The following IPO11 variants were observed in gnomAD, a reference collection of about 807,000 sequenced individuals.
The protein encoded by IPO11 is importin 11.
In IPO11, 66 loss-of-function variants were observed where a neutral mutation model predicts 143.2. The observed-to-expected ratio is 0.46, with a 90% CI of 0.38 to 0.57. The LOEUF is 0.57. Among genes scored for constraint, IPO11 ranks in the 20% least tolerant of loss-of-function variants. The pLI, the probability that IPO11 is intolerant of heterozygous loss-of-function variation, is 0.00. For missense variants in IPO11, 1,026 were observed against 1,141.0 expected (o/e 0.90, Z 1.45); for synonymous variants, 385 against 377.8 (o/e 1.02, Z -0.22).
At chr5:62,538,976 A>G (rs1196962666) in intron 24 of IPO11, among the ~76,000 whole-genome samples, 1 of 152,190 alleles carries the variant, frequency 6.6e-6, no homozygotes, top group Admixed American at 6.5e-5. Flanking sequence ...TTTTAAAACT[A>G]ACATTTAAAA....
chr5:62,415,060 T>C (rs1743238079), intron 1 of IPO11, among the ~76,000 whole-genome samples: 1 of 152,208 alleles, frequency 6.6e-6, no homozygotes, highest in African/African-American at 2.4e-5. Context: ...AATTAGGTGT[T>C]CATTCAATAA....
At chr5:62,476,500 A>T (rs918950317) in intron 8 of IPO11, among the ~76,000 whole-genome samples, 183 bp from the exon 9 acceptor site, 1 of 152,180 alleles carries the variant, frequency 6.6e-6, no homozygotes, top group Non-Finnish European at 1.5e-5. Flanking sequence ...ATTTTATATA[A>T]TATGGCACAG....
At position 62,628,002 on chromosome 5, in the gene IPO11, A is replaced by G. The variant is rs182365480; in HGVS notation, c.*684A>G. Reference sequence around the variant, plus strand: ...TAAATGTGCATTTGTAAGGGCCACAAAAGTGAACGTGTGGTACTGTAGTAC... The same window carrying G: ...TAAATGTGCATTTGTAAGGGCCACAGAAGTGAACGTGTGGTACTGTAGTAC... On this transcript the variant is annotated 3_prime_UTR_variant, in exon 30 of 30. Coordinates refer to ENST00000325324, the MANE Select transcript of IPO11 (RefSeq NM_016338.5). 3.9e-5 allele frequency: 6 copies of G among 152,084 alleles called. No individual in the cohort carries two copies. Among genetic ancestry groups the G allele is most frequent in the Admixed American group, 6.5e-5 (1 of 15,284 alleles). 9.4% of individuals were successfully genotyped at this position (152,084 alleles called of 1,614,324 possible).
intron 12 of IPO11, among the ~76,000 whole-genome samples, chr5:62,487,301 C>T (rs752021313): frequency 1.8e-4 from 27 of 152,058 alleles, no homozygotes; most frequent in Non-Finnish European, 3.5e-4. Context: ...GAGGCTGAAG[C>T]AGGGGAATCG....
At chr5:62,487,201 G>A (rs1746437755) in intron 12 of IPO11, among the ~76,000 whole-genome samples, 1 of 152,068 alleles carries the variant, frequency 6.6e-6, no homozygotes, top group Non-Finnish European at 1.5e-5. Context: ...GCTTGTGTTT[G>A]TTAAGAGAAA....
At chr5:62,588,151 T>G (rs1418773969) in intron 27 of IPO11, among the ~76,000 whole-genome samples, 1 of 152,204 alleles carries the variant, frequency 6.6e-6, no homozygotes, top group Non-Finnish European at 1.5e-5. Context: ...TCCTCCCTTG[T>G]GATCATGCTC....
intron 27 of IPO11, among the ~76,000 whole-genome samples, chr5:62,569,159 G>A (rs1744053879): frequency 6.6e-6 from 1 of 152,118 alleles, no homozygotes; most frequent in South Asian, 2.1e-4. Flanking sequence ...GGTGGGTGCT[G>A]GTAGTAGCTT....
chr5:62,437,161 T>A, intron 1 of IPO11, 113 bp from the exon 2 acceptor site: 2 of 699,958 alleles, frequency 2.9e-6, no homozygotes. Context: ...ACATGAAGGA[T>A]TAGATGAATG....
In IPO11 at chr5:62,490,120, A is replaced by C. The variant is rs1746550205; in HGVS notation, c.1363A>C (p.Asn455His). 6.3e-7 allele frequency: 1 copy of C among 1,588,152 alleles called. No individual in the cohort carries two copies. The highest frequency in any genetic ancestry group is 1.4e-5 in the African/African-American group (1 of 73,600). The change falls in exon 15 of 30, where the codon AAT becomes CAT. Residue 455 changes from asparagine (N) to histidine (H), a missense_variant. Around this residue, in one of 5 missense-constraint regions of IPO11, gnomAD observed 237 missense variants for 288.0 expected, o/e 0.82. Coordinates refer to ENST00000325324, the MANE Select transcript of IPO11 (RefSeq NM_016338.5). ...TTCTTAAATTTTCTTCTCAGTGTAT[A>C]ATGCTGTTGGATTAGCTGCTTATGA... ...NALLIKDAVY[N>H]AVGLAAYELF...
intron 1 of IPO11, among the ~76,000 whole-genome samples, chr5:62,432,986 T>G (rs1012341007): frequency 5.3e-5 from 8 of 152,224 alleles, no homozygotes; most frequent in Admixed American, 2.6e-4. Context: ...GAGTGATACT[T>G]GGACACATTG....
At chr5:62,518,637 G>A (rs1164886306) in intron 20 of IPO11, among the ~76,000 whole-genome samples, 1 of 151,866 alleles carries the variant, frequency 6.6e-6, no homozygotes, top group Non-Finnish European at 1.5e-5. Context: ...AAAATTTACT[G>A]GTAAATTTCC....
At chr5:62,428,902 A>G (rs1743864353) in intron 1 of IPO11, among the ~76,000 whole-genome samples, 1 of 152,064 alleles carries the variant, frequency 6.6e-6, no homozygotes, top group South Asian at 2.1e-4. Flanking sequence ...CCTGGACTGA[A>G]GCTGTCCTCC....
At chr5:62,454,093 C>T (rs868630512) in intron 5 of IPO11, among the ~76,000 whole-genome samples, 9 of 152,248 alleles carry the variant, frequency 5.9e-5, no homozygotes, top group Middle Eastern at 6.8e-3. Context: ...CGAGATTGCA[C>T]CACTGCACTC....
chr5:62,607,125 A>C (rs1018788913), intron 29 of IPO11, among the ~76,000 whole-genome samples: 2 of 152,194 alleles, frequency 1.3e-5, no homozygotes, highest in Admixed American at 1.3e-4. Flanking sequence ...CTCTTAGAGC[A>C]CAGAGATATC....
intron 1 of IPO11, among the ~76,000 whole-genome samples, chr5:62,414,205 G>A (rs78920153): frequency 0.032 from 4,835 of 152,258 alleles, 254 homozygotes; most frequent in African/African-American, 0.11. Flanking sequence ...TAGATTTTGT[G>A]ATGTTTGAAT....
intron 1 of IPO11, among the ~76,000 whole-genome samples, chr5:62,429,686 C>T (rs997487650): frequency 1.5e-4 from 22 of 148,824 alleles, no homozygotes; most frequent in Admixed American, 1.3e-3. Flanking sequence ...TGCAGTGGTG[C>T]GATCTTGGCT....
At chr5:62,421,099 T>C (rs1245315103) in intron 1 of IPO11, among the ~76,000 whole-genome samples, 1 of 152,260 alleles carries the variant, frequency 6.6e-6, no homozygotes, top group Non-Finnish European at 1.5e-5. Context: ...ACTGTTTGGA[T>C]TTTAAATCCC....
At chr5:62,414,732 C>T (rs896967517) in intron 1 of IPO11, among the ~76,000 whole-genome samples, 12 of 152,154 alleles carry the variant, frequency 7.9e-5, no homozygotes, top group African/African-American at 2.9e-4. Flanking sequence ...TCAAAATCTG[C>T]AATTTTAACA....
At chr5:62,607,199 G>T (rs1273244268) in intron 29 of IPO11, among the ~76,000 whole-genome samples, 2 of 151,982 alleles carry the variant, frequency 1.3e-5, no homozygotes, top group African/African-American at 4.8e-5. Flanking sequence ...CTTTCATTTT[G>T]TCTAACTTTT....
Sources: gnomAD v4.1 joint callset for allele counts (sites outside exome capture counted in the v4.1 genomes callset) on GRCh38, gnomAD v4.1.1 for gene constraint, gnomAD v4.1.1 regional missense constraint, MANE v1.5 for transcripts, NCBI Gene and HGNC (gene_info 2026-07-23, HGNC 2026-07-21) for gene names.